Variants in TMC2 observed in about 807,000 individuals in gnomAD.
TMC2 encodes the protein transmembrane channel-like protein 2.
A neutral mutation model predicts 105.9 loss-of-function variants in TMC2; 102 were observed. The ratio of observed to expected loss-of-function variants is 0.96; its 90% CI spans 0.82 to 1.14. The LOEUF (loss-of-function observed/expected upper bound fraction) is 1.14, where lower values mean the gene tolerates loss of function less well. TMC2 is among the 50% of genes most tolerant of loss of function. The pLI is 0.00. For missense variants in TMC2, 1,093 were observed against 1,134.3 expected, an observed-to-expected ratio of 0.96 and a Z score of 0.52; for synonymous variants, 402 against 422.8, an observed-to-expected ratio of 0.95 and a Z score of 0.60.
At chr20:2,608,300 T>TTTATTTTTTTTTATTA (rs369930519) in intron 11 of TMC2, among the ~76,000 whole-genome samples, 3 of 134,602 alleles carry the variant, frequency 2.2e-5, no homozygotes, top group African/African-American at 8.1e-5. Context: ...CTTATTTTTA[T>TTTATTTTTTTTTATTA]TTATTATTAT....
At chr20:2,622,553 C>T (rs1436309243) in intron 16 of TMC2, among the ~76,000 whole-genome samples, 1 of 151,920 alleles carries the variant, frequency 6.6e-6, no homozygotes, top group Non-Finnish European at 1.5e-5. Context: ...CTGTAATCCA[C>T]CAGGCATTGT....
intron 7 of TMC2, among the ~76,000 whole-genome samples, chr20:2,582,429 A>C (rs1191403235): frequency 6.6e-6 from 1 of 152,178 alleles, no homozygotes; most frequent in East Asian, 1.9e-4. Flanking sequence ...GGGTCCAGGG[A>C]TAAGAATAGT....
At chr20:2,613,375 T>C (rs759151408) in intron 14 of TMC2, 53 bp downstream of exon 14, 3 of 1,612,018 alleles carry the variant, frequency 1.9e-6, no homozygotes, top group South Asian at 1.1e-5. Context: ...ACTATCTTCT[T>C]TGATACTTAT....
chr20:2,582,880 C>G (rs1234949681), intron 7 of TMC2, among the ~76,000 whole-genome samples: 1 of 152,186 alleles, frequency 6.6e-6, no homozygotes, highest in Non-Finnish European at 1.5e-5. Flanking sequence ...TAAGAATGAG[C>G]CTTGTTTATC....
At chr20:2,538,141 A>T (rs1330981225) in intron 2 of TMC2, among the ~76,000 whole-genome samples, 1 of 151,954 alleles carries the variant, frequency 6.6e-6, no homozygotes, top group African/African-American at 2.4e-5. Context: ...GAGCCACTTC[A>T]TCTGCCCTTT....
intron 16 of TMC2, among the ~76,000 whole-genome samples, chr20:2,620,725 A>T (rs1388173536): frequency 6.6e-6 from 1 of 152,202 alleles, no homozygotes; most frequent in East Asian, 1.9e-4. Context: ...TCCTTCAAGA[A>T]GAAGGAAGGG....
Position 2,537,289 on chromosome 20 carries a change from CG to C in TMC2, c.58del (p.Val20Ter). The C allele has an allele frequency of 6.2e-7, 1 of 1,603,776 alleles. No individual in the cohort carries two copies. Among genetic ancestry groups the C allele is most frequent in the Non-Finnish European group, 8.5e-7 (1 of 1,175,390 alleles). On this transcript the variant is annotated frameshift_variant, in exon 2 of 20. Coordinates refer to ENST00000358864, the MANE Select transcript of TMC2 (RefSeq NM_080751.3). LOFTEE classifies it high-confidence loss of function. The stretch of plus-strand genomic sequence containing the variant: ...TACAGCACGAGGCGGAGTGAAAGGG[CG>C]GGTGAAGAGCGGCTCTCCACACACA... ...KEEARGGVKG[R>X]VKSGSPHTGD...
chr20:2,641,357 A>T lies in TMC2; in HGVS notation c.*6A>T. The T allele has an allele frequency of 1.3e-6, 2 of 1,599,772 alleles. No individual in the cohort carries two copies. Among genetic ancestry groups the T allele is most frequent in the Non-Finnish European group, 1.7e-6 (2 of 1,167,768 alleles). ...CTCAGAGACCTCCCCACTGATGGCT[A>T]GGACTCCAGGGAGCCTCGACCCTAG... On this transcript the variant is annotated 3_prime_UTR_variant, in exon 20 of 20. Transcript: ENST00000358864.
intron 10 of TMC2, among the ~76,000 whole-genome samples, chr20:2,600,618 C>G (rs1037709517): frequency 6.6e-6 from 1 of 152,044 alleles, no homozygotes; most frequent in Non-Finnish European, 1.5e-5. Context: ...GTCAAGAGAT[C>G]GAGACCATCC....
At chr20:2,605,559 C>T (rs1476195367) in intron 11 of TMC2, among the ~76,000 whole-genome samples, 1 of 152,148 alleles carries the variant, frequency 6.6e-6, no homozygotes, top group African/African-American at 2.4e-5. Context: ...CCCTTGTGAC[C>T]TCACTTAACC....
At chr20:2,574,852 A>G (rs1300068223) in intron 5 of TMC2, among the ~76,000 whole-genome samples, 3 of 151,996 alleles carry the variant, frequency 2.0e-5, no homozygotes, top group Non-Finnish European at 4.4e-5. Context: ...CAGCCTCCCA[A>G]GTAGCTGGGA....
intron 2 of TMC2, among the ~76,000 whole-genome samples, chr20:2,550,481 C>A (rs1015576315): frequency 2.6e-5 from 4 of 152,172 alleles, no homozygotes; most frequent in African/African-American, 9.6e-5. Flanking sequence ...TGGGCCAATA[C>A]GGATACATTA....
Position 2,624,360 on chromosome 20 carries a change from A to G in TMC2, c.2270A>G (p.Asn757Ser), listed in dbSNP as rs2086549215. The G allele has an allele frequency of 1.9e-6, 3 of 1,614,148 alleles. No individual in the cohort carries two copies. Among genetic ancestry groups the G allele is most frequent in the Admixed American group, 1.7e-5 (1 of 60,018 alleles). The part of the protein sequence containing the change: ...FLGKIFAFLA[N>S]PGLIIPAILL... ...GGCAAGATCTTTGCTTTCCTCGCCAATCCAGGCCTGATCATCCCAGCCATC... is the reference window on the plus strand; with the variant it reads ...GGCAAGATCTTTGCTTTCCTCGCCAGTCCAGGCCTGATCATCCCAGCCATC... The change falls in exon 17 of 20, where the codon AAT becomes AGT. Residue 757 changes from asparagine to serine, a missense_variant. Physicochemically the swap from Asn to Ser is conservative, Grantham distance 46. Coordinates refer to ENST00000358864, the MANE Select transcript of TMC2 (RefSeq NM_080751.3).
In TMC2 at chr20:2,558,865, C is replaced by A; in HGVS notation, c.401+91C>A. 7.5e-7 allele frequency: 1 copy of A among 1,336,216 alleles called. No homozygotes were observed. Among genetic ancestry groups the A allele is most frequent in the Non-Finnish European group, 1.0e-6 (1 of 997,064 alleles). 82.8% of individuals were successfully genotyped at this position (1,336,216 alleles called of 1,614,324 possible). ...TTCCCCCGTGAGGGACTGATGCCCCCCTCCCCGGGGAGAGGCAGCCCGTGC... is the reference window on the plus strand; with the variant it reads ...TTCCCCCGTGAGGGACTGATGCCCCACTCCCCGGGGAGAGGCAGCCCGTGC... On this transcript the variant is annotated intron_variant, in intron 3 of 19. Coordinates refer to ENST00000358864, the MANE Select transcript of TMC2 (RefSeq NM_080751.3). The surrounding 1 kb of genome is among the most constrained non-coding windows in gnomAD (Gnocchi z 4.6).
At chr20:2,635,582 C>G (rs1319279129) in intron 17 of TMC2, among the ~76,000 whole-genome samples, 1 of 152,184 alleles carries the variant, frequency 6.6e-6, no homozygotes, top group Admixed American at 6.5e-5. Context: ...GAGCTTGGCA[C>G]AGGGCAGGTG....
At chr20:2,619,510 C>T (rs774124162) in intron 16 of TMC2, among the ~76,000 whole-genome samples, 1 of 152,086 alleles carries the variant, frequency 6.6e-6, no homozygotes, top group Non-Finnish European at 1.5e-5. Flanking sequence ...ACTCATGTCC[C>T]GCACAAACAC....
rs557959362 is a variant in TMC2 at position 2,602,091 on chromosome 20, C to T, written c.1225-22C>T. Reference sequence around the variant, plus strand: ...GCATTTCTGGCCTGACATTTATGCACATCTCATTTTCACACATTAAGGAAT... The same window carrying T: ...GCATTTCTGGCCTGACATTTATGCATATCTCATTTTCACACATTAAGGAAT... On this transcript the variant is annotated intron_variant, in intron 10 of 19. Transcript: ENST00000358864. 4 of 1,575,866 alleles carry T rather than the reference C, an allele frequency of 2.5e-6. No individual in the cohort carries two copies. In the South Asian group the frequency reaches 3.5e-5, roughly 14 times the overall value.
chr20:2,608,276 T>C lies in TMC2; in HGVS notation c.1414-2143T>C, dbSNP rs1036391309. On this transcript the variant is annotated intron_variant, in intron 11 of 19. Coordinates refer to ENST00000358864, the MANE Select transcript of TMC2 (RefSeq NM_080751.3). ...CCTAAATGGCTTTCCCTGACTTACC[T>C]TCCCAGTTGTACCCTTATTTTTATT... Among the ~76,000 whole-genome samples the C allele has an allele frequency of 6.7e-5, 10 of 148,406 alleles. No homozygotes were observed. In the Admixed American group the frequency reaches 6.8e-4, roughly 10 times the overall value.
At position 2,637,609 on chromosome 20, in the gene TMC2, A is replaced by C; in HGVS notation, c.2503+18A>C. 6.4e-7 allele frequency: 1 copy of C among 1,561,464 alleles called. No individual in the cohort carries two copies. Among genetic ancestry groups the C allele is most frequent in the Non-Finnish European group, 8.8e-7 (1 of 1,132,544 alleles). ...CAAGGAAGGTAAGCTCTTTGTCATAATGATTATGTTTTACAAGGCCACATG... is the reference window on the plus strand; with the variant it reads ...CAAGGAAGGTAAGCTCTTTGTCATACTGATTATGTTTTACAAGGCCACATG... On this transcript the variant is annotated intron_variant, in intron 19 of 19. Coordinates refer to ENST00000358864, the MANE Select transcript of TMC2 (RefSeq NM_080751.3).
Sources: gnomAD v4.1 joint callset for allele counts (sites outside exome capture counted in the v4.1 genomes callset) on GRCh38, gnomAD v4.1.1 for gene constraint, Gnocchi (gnomAD v3.1) non-coding constraint, MANE v1.5 for transcripts, NCBI Gene and HGNC (gene_info 2026-07-23, HGNC 2026-07-21) for gene names.